CSGALNACT1: variants seen among roughly 807,000 people sequenced by gnomAD.
CSGALNACT1 encodes the protein chondroitin sulfate N-acetylgalactosaminyltransferase 1.
Under a neutral mutation model 51.0 loss-of-function variants are expected in CSGALNACT1, and 52 were observed. That is an observed-to-expected ratio of 1.02 (90% CI 0.82 to 1.29). CSGALNACT1 has a LOEUF of 1.29. Among genes scored for constraint, CSGALNACT1 ranks in the 50% most tolerant of loss-of-function variants. The pLI is 0.00. For synonymous variants in CSGALNACT1, 341 were observed against 254.4 expected (o/e 1.34, Z -3.24); for missense variants, 935 against 679.2 (o/e 1.38, Z -4.19).
chr8:19,756,902 C>CTCCCTGGAAGCTCCCTCCGCG (rs2065424638), intron 1 of CSGALNACT1, among the ~76,000 whole-genome samples: 2 of 151,948 alleles, frequency 1.3e-5, no homozygotes, highest in African/African-American at 2.4e-5. Context: ...GCCCCGGACC[C>CTCCCTGGAAGCTCCCTCCGCG]TCCCTGGAAG....
At chr8:19,652,588 T>A (rs368344556) in intron 1 of CSGALNACT1, among the ~76,000 whole-genome samples, 2 of 152,152 alleles carry the variant, frequency 1.3e-5, no homozygotes, top group South Asian at 2.1e-4. Flanking sequence ...TCCATCAGCA[T>A]ACAGACACCA....
At chr8:19,513,436 C>CTCTCTCTCTCTCTATATATATATATATA in intron 3 of CSGALNACT1, among the ~76,000 whole-genome samples, 8 of 81,964 alleles carry the variant, frequency 9.8e-5, no homozygotes, top group Non-Finnish European at 1.3e-4. Flanking sequence ...CTCTCTCTCT[C>CTCTCTCTCTCTCTATATATATATATATA]TATATATATA....
chr8:19,755,454 G>GAAAAAAAAAAAAAAAAAAA (rs2065296940), intron 1 of CSGALNACT1, among the ~76,000 whole-genome samples: 1 of 8,358 alleles, frequency 1.2e-4, no homozygotes, highest in Admixed American at 1.2e-3. Flanking sequence ...TGTAAAGAAA[G>GAAAAAAAAAAAAAAAAAAA]ACAAAAAAAA....
At chr8:19,457,540 G>A (rs943787954) in intron 5 of CSGALNACT1, 6 of 514,020 alleles carry the variant, frequency 1.2e-5, no homozygotes, top group Admixed American at 2.5e-5. Context: ...CTGAACCTGG[G>A]AGGTGAAGGT....
chr8:19,573,197 C>T (rs989801919), intron 3 of CSGALNACT1, among the ~76,000 whole-genome samples: 1 of 152,202 alleles, frequency 6.6e-6, no homozygotes, highest in Non-Finnish European at 1.5e-5. Context: ...TCCAGCTGTA[C>T]CCTGCAAATT....
At chr8:19,462,075 G>T (rs1390226965) in intron 4 of CSGALNACT1, among the ~76,000 whole-genome samples, 2 of 152,186 alleles carry the variant, frequency 1.3e-5, no homozygotes, top group African/African-American at 4.8e-5. Context: ...ATTCACCACA[G>T]ATGGTATCTG....
At chr8:19,652,733 T>A (rs377281403) in intron 1 of CSGALNACT1, among the ~76,000 whole-genome samples, 1 of 152,218 alleles carries the variant, frequency 6.6e-6, no homozygotes, top group East Asian at 1.9e-4. Context: ...CCTGTGTTAA[T>A]TGAATTTTGA....
intron 1 of CSGALNACT1, among the ~76,000 whole-genome samples, chr8:19,725,127 T>A (rs1004807805): frequency 6.6e-5 from 10 of 152,170 alleles, no homozygotes; most frequent in Non-Finnish European, 1.0e-4. Flanking sequence ...CTACAGAAGA[T>A]CAGAAGTAAG....
intron 1 of CSGALNACT1, among the ~76,000 whole-genome samples, chr8:19,671,837 CTTA>C (rs2059817873): frequency 6.6e-6 from 1 of 152,000 alleles, no homozygotes. Flanking sequence ...TTTTTTCCCA[CTTA>C]TTATATAATG....
At chr8:19,465,434 C>A (rs749168315) in intron 4 of CSGALNACT1, among the ~76,000 whole-genome samples, 2 of 152,018 alleles carry the variant, frequency 1.3e-5, no homozygotes, top group African/African-American at 4.8e-5. Context: ...GTGATGGATG[C>A]GCAAGAATGT....
chr8:19,675,554 G>A (rs556382428), intron 1 of CSGALNACT1, among the ~76,000 whole-genome samples: 21 of 152,048 alleles, frequency 1.4e-4, no homozygotes, highest in African/African-American at 4.6e-4. Context: ...GTACAGTGGC[G>A]CGATCTTGGC....
At chr8:19,579,224 C>A (rs183654094) in intron 3 of CSGALNACT1, among the ~76,000 whole-genome samples, 1 of 152,310 alleles carries the variant, frequency 6.6e-6, no homozygotes, top group East Asian at 1.9e-4. Context: ...CTGGCCCCAG[C>A]TCCAAATTCA....
At chr8:19,460,959 G>A (rs1271159959) in intron 4 of CSGALNACT1, among the ~76,000 whole-genome samples, 1 of 152,118 alleles carries the variant, frequency 6.6e-6, no homozygotes, top group Non-Finnish European at 1.5e-5. Flanking sequence ...TCTCCCTGCT[G>A]TCCTCACAGC....
intron 4 of CSGALNACT1, among the ~76,000 whole-genome samples, chr8:19,499,018 G>A (rs555001998): frequency 1.3e-5 from 2 of 152,294 alleles, no homozygotes; most frequent in East Asian, 1.9e-4. Flanking sequence ...CAAAAGCCGA[G>A]GTGGAGGAAT....
Position 19,590,719 on chromosome 8 carries a change from G to A in CSGALNACT1, c.-297+441C>T, listed in dbSNP as rs137871087. ...GGCTGGAGTGCATTGGCGCGATCTC[G>A]GCTCACTGCAACTTCCACCTTCTGG... On this transcript the variant is annotated intron_variant, in intron 3 of 9. Transcript: ENST00000454498. 7.0e-3 allele frequency among the ~76,000 whole-genome samples: 990 copies of A among 141,258 alleles called. 5 individuals carry two copies. The highest frequency in any genetic ancestry group is 9.7e-3 in the African/African-American group (351 of 36,168). The allele number at this position is 141,258 out of a possible 152,430, so 92.7% of individuals were successfully genotyped here. A position where few individuals can be genotyped will look rare whatever the true frequency, so the allele number is the denominator to read the frequency against.
At chr8:19,507,056 C>T (rs1331495456) in intron 3 of CSGALNACT1, among the ~76,000 whole-genome samples, 1 of 152,182 alleles carries the variant, frequency 6.6e-6, no homozygotes, top group East Asian at 1.9e-4. Flanking sequence ...TGATCAGGAA[C>T]TGGGGAAGCA....
At chr8:19,571,989 G>A (rs147540223) in intron 3 of CSGALNACT1, among the ~76,000 whole-genome samples, 2 of 152,266 alleles carry the variant, frequency 1.3e-5, no homozygotes, top group Non-Finnish European at 2.9e-5. Flanking sequence ...CTTTCTGAGG[G>A]GTTCCCACAT....
At chr8:19,500,910 G>A (rs2076298961) in intron 4 of CSGALNACT1, among the ~76,000 whole-genome samples, 1 of 152,188 alleles carries the variant, frequency 6.6e-6, no homozygotes, top group South Asian at 2.1e-4. Flanking sequence ...GGTAAGGGCT[G>A]TATCCTCCAG....
intron 3 of CSGALNACT1, among the ~76,000 whole-genome samples, chr8:19,542,151 G>C (rs10283006): frequency 6.6e-6 from 1 of 150,978 alleles, no homozygotes; most frequent in Non-Finnish European, 1.5e-5. Context: ...CCTTGATTTA[G>C]ACAAAATTTC....
Sources: gnomAD v4.1 joint callset for allele counts (sites outside exome capture counted in the v4.1 genomes callset) on GRCh38, gnomAD v4.1.1 for gene constraint, MANE v1.5 for transcripts, NCBI Gene and HGNC (gene_info 2026-07-23, HGNC 2026-07-21) for gene names.